NEGR1: variants seen among roughly 807,000 people sequenced by gnomAD.
The protein encoded by NEGR1 is neuronal growth regulator 1.
NEGR1 carries 10 observed loss-of-function variants against 40.9 expected under a neutral mutation model. The observed-to-expected ratio is 0.24, with a 90% CI of 0.15 to 0.42. The LOEUF is 0.42. Ranked by LOEUF, NEGR1 falls within the 10% of genes least tolerant of loss-of-function variation. The pLI, the probability that NEGR1 is intolerant of heterozygous loss-of-function variation, is 1.00. For missense variants in NEGR1, 352 were observed against 438.9 expected (o/e 0.80, Z 1.77); for synonymous variants, 185 against 166.8 (o/e 1.11, Z -0.84).
At chr1:72,130,389 G>A (rs375262731) in intron 1 of NEGR1, among the ~76,000 whole-genome samples, 27 of 152,176 alleles carry the variant, frequency 1.8e-4, no homozygotes, top group Middle Eastern at 3.4e-3. Flanking sequence ...TATAACTTCC[G>A]TTCTTTTAAG....
chr1:71,724,736 T>C (rs996237325), intron 3 of NEGR1, among the ~76,000 whole-genome samples: 1 of 152,182 alleles, frequency 6.6e-6, no homozygotes, highest in Non-Finnish European at 1.5e-5. Context: ...CAGTTATGTT[T>C]ACATCTTTTG....
intron 6 of NEGR1, among the ~76,000 whole-genome samples, chr1:71,555,798 A>G (rs1302808168): frequency 6.6e-6 from 1 of 151,530 alleles, no homozygotes; most frequent in Non-Finnish European, 1.5e-5. Flanking sequence ...CAAGAAGTTG[A>G]GAATATCTTC....
intron 5 of NEGR1, among the ~76,000 whole-genome samples, chr1:71,595,061 T>A (rs145262427): frequency 6.6e-6 from 1 of 152,332 alleles, no homozygotes; most frequent in Non-Finnish European, 1.5e-5. Flanking sequence ...TGTCTTTCTG[T>A]CTTTCTGGGT....
chr1:72,217,421 T>A (rs543820352), intron 1 of NEGR1, among the ~76,000 whole-genome samples: 2 of 151,948 alleles, frequency 1.3e-5, no homozygotes, highest in East Asian at 3.9e-4. Context: ...TGGCTTTTTT[T>A]AAGCAATAAA....
At chr1:71,670,459 T>G (rs1652382815) in intron 4 of NEGR1, among the ~76,000 whole-genome samples, 1 of 152,240 alleles carries the variant, frequency 6.6e-6, no homozygotes, top group Non-Finnish European at 1.5e-5. Context: ...TCATACATTT[T>G]TTGTTGTTGT....
At chr1:71,901,666 A>ATTT (rs33958971) in intron 2 of NEGR1, among the ~76,000 whole-genome samples, 7 of 115,854 alleles carry the variant, frequency 6.0e-5, no homozygotes, top group East Asian at 2.6e-4. Flanking sequence ...TGAGATATAA[A>ATTT]TTTTTTTTTT....
At chr1:72,270,999 A>G (rs769409364) in intron 1 of NEGR1, among the ~76,000 whole-genome samples, 102 of 151,870 alleles carry the variant, frequency 6.7e-4, no homozygotes, top group Non-Finnish European at 7.4e-4. Context: ...AGCATTTTAC[A>G]TGTAATGTCT....
chr1:71,665,625 CT>C (rs1306232878), intron 4 of NEGR1, among the ~76,000 whole-genome samples: 2 of 152,098 alleles, frequency 1.3e-5, no homozygotes, highest in Non-Finnish European at 1.5e-5. Flanking sequence ...ATTTGTTTCC[CT>C]TACATTGAGC....
At chr1:71,979,416 T>C (rs1646335772) in intron 1 of NEGR1, among the ~76,000 whole-genome samples, 1 of 152,076 alleles carries the variant, frequency 6.6e-6, no homozygotes, top group Admixed American at 6.6e-5. Context: ...CGACAACTTA[T>C]AAAATAGAAA....
chr1:71,606,906 T>C (rs1650092421), intron 5 of NEGR1, among the ~76,000 whole-genome samples: 1 of 152,178 alleles, frequency 6.6e-6, no homozygotes, highest in African/African-American at 2.4e-5. Context: ...GATAGGGCTA[T>C]GGGTGTTCAG....
intron 3 of NEGR1, among the ~76,000 whole-genome samples, chr1:71,705,070 AT>A (rs35803173): frequency 1.3e-5 from 2 of 151,786 alleles, no homozygotes; most frequent in Non-Finnish European, 2.9e-5. Flanking sequence ...CAATATTTTA[AT>A]TTTTTTCATA....
chr1:71,590,262 T>A (rs1357522360), intron 6 of NEGR1, among the ~76,000 whole-genome samples: 1 of 152,134 alleles, frequency 6.6e-6, no homozygotes, highest in Non-Finnish European at 1.5e-5. Flanking sequence ...AGTGAGATAG[T>A]CATTGCTAAG....
chr1:71,573,943 T>C (rs1314074508), intron 6 of NEGR1, among the ~76,000 whole-genome samples: 1 of 152,186 alleles, frequency 6.6e-6, no homozygotes, highest in African/African-American at 2.4e-5. Context: ...CTGCAGATTA[T>C]TGGGAGACAC....
chr1:72,249,665 G>A lies in NEGR1; in HGVS notation c.176+32654C>T, dbSNP rs554013839. On this transcript the variant is annotated intron_variant, in intron 1 of 6. Transcript: ENST00000357731. ...GGATTTCACAAAAAGGGAGATGAAT[G>A]TGAGAATAGAATATTAAATAAAACT... is the stretch of plus-strand genomic sequence containing the variant. Among the ~76,000 whole-genome samples the A allele has an allele frequency of 2.0e-5, 3 of 152,286 alleles. No individual in the cohort carries two copies. In the South Asian group the frequency reaches 6.2e-4, roughly 32 times the overall value.
chr1:71,922,308 T>A (rs535751891), intron 2 of NEGR1, among the ~76,000 whole-genome samples: 8 of 152,242 alleles, frequency 5.3e-5, no homozygotes, highest in African/African-American at 1.9e-4. Flanking sequence ...TCCCATTGAG[T>A]GAACCCTGCC....
chr1:71,819,646 C>A (rs1007744756), intron 2 of NEGR1, among the ~76,000 whole-genome samples: 1 of 151,872 alleles, frequency 6.6e-6, no homozygotes, highest in African/African-American at 2.4e-5. Flanking sequence ...TAATGCTTTA[C>A]TAATTCCATA....
chr1:71,814,841 A>C (rs1570384707), intron 2 of NEGR1, among the ~76,000 whole-genome samples: 1 of 151,336 alleles, frequency 6.6e-6, no homozygotes, highest in Non-Finnish European at 1.5e-5. Context: ...TATTTTATTA[A>C]TTTTTTCAAA....
chr1:71,517,486 T>C (rs1647126321), intron 6 of NEGR1, among the ~76,000 whole-genome samples: 1 of 113,800 alleles, frequency 8.8e-6, no homozygotes, highest in Non-Finnish European at 1.7e-5. Flanking sequence ...CACATGATTA[T>C]CTCAATAGAT....
At chr1:72,121,847 A>G (rs1312763133) in intron 1 of NEGR1, among the ~76,000 whole-genome samples, 2 of 152,028 alleles carry the variant, frequency 1.3e-5, no homozygotes, top group South Asian at 2.1e-4. Flanking sequence ...TAGCACCTCC[A>G]TTACTGATCA....
Sources: allele counts gnomAD v4.1 joint callset (sites outside exome capture counted in the v4.1 genomes callset), GRCh38; gene constraint gnomAD v4.1.1; transcripts MANE v1.5; gene names NCBI Gene and HGNC (gene_info 2026-07-23, HGNC 2026-07-21).